The following ELL variants were observed in gnomAD, a reference collection of about 807,000 sequenced individuals.
The protein encoded by ELL is elongation factor for RNA polymerase II.
ELL carries 18 observed loss-of-function variants against 64.0 expected under a neutral mutation model. The observed-to-expected ratio is 0.28, with a 90% CI of 0.19 to 0.42. The LOEUF is 0.42. Ranked by LOEUF, ELL falls within the 10% of genes least tolerant of loss-of-function variation. The pLI is 1.00. For missense variants in ELL, 797 were observed against 870.4 expected, an observed-to-expected ratio of 0.92 and a Z score of 1.06; for synonymous variants, 399 against 376.2, an observed-to-expected ratio of 1.06 and a Z score of -0.70.
intron 1 of ELL, among the ~76,000 whole-genome samples, chr19:18,487,771 C>G (rs760763968): frequency 6.6e-6 from 1 of 152,260 alleles, no homozygotes; most frequent in Non-Finnish European, 1.5e-5. Context: ...TGGCTTCTAA[C>G]AGGCCCAGGT....
chr19:18,450,502 G>A lies in ELL; in HGVS notation c.1440C>T (p.Thr480=). The stretch of plus-strand genomic sequence containing the variant: ...CTGGGGTGTCTGCTGGGGCTCCGGG[G>A]GTGGCATGGGTGGCAGGTGCACAGT... ...LPDCAPATHA[T]PGAPADTPGL... Residue 480 remains threonine, a synonymous_variant, in exon 8 of 12, where the codon ACC becomes ACT. Coordinates refer to ENST00000262809, the MANE Select transcript of ELL (RefSeq NM_006532.4). 2.5e-6 allele frequency: 4 copies of A among 1,613,114 alleles called. No homozygotes were observed. The highest frequency in any genetic ancestry group is 3.4e-6 in the Non-Finnish European group (4 of 1,179,906).
intron 1 of ELL, among the ~76,000 whole-genome samples, chr19:18,503,186 T>C (rs574190052): frequency 6.6e-6 from 1 of 152,352 alleles, no homozygotes; most frequent in African/African-American, 2.4e-5. Context: ...GCATCCGTGG[T>C]CTGGAGAGTG....
intron 8 of ELL, among the ~76,000 whole-genome samples, chr19:18,447,679 G>A (rs1307496368): frequency 6.6e-6 from 1 of 152,208 alleles, no homozygotes; most frequent in Non-Finnish European, 1.5e-5. Flanking sequence ...AGTGCGCGTC[G>A]CCTAAGACCA....
At chr19:18,485,042 G>A (rs1975380882) in intron 1 of ELL, among the ~76,000 whole-genome samples, 1 of 152,194 alleles carries the variant, frequency 6.6e-6, no homozygotes, top group South Asian at 2.1e-4. Context: ...TGAGGTGAAT[G>A]AGAACGCTCT....
chr19:18,509,225 G>A (rs527503300), intron 1 of ELL, among the ~76,000 whole-genome samples: 2 of 152,226 alleles, frequency 1.3e-5, no homozygotes, highest in South Asian at 4.2e-4. Context: ...AATCCAGCAG[G>A]CATCCTTATC....
At chr19:18,481,360 T>C (rs1467601462) in intron 1 of ELL, among the ~76,000 whole-genome samples, 1 of 152,152 alleles carries the variant, frequency 6.6e-6, no homozygotes, top group Admixed American at 6.5e-5. Flanking sequence ...TCCCTCCTTT[T>C]GGGGGCTCTA....
rs370381851 is a variant in ELL, at chr19:18,458,210, G to A, written c.864C>T (p.Leu288=). The change falls in exon 6 of 12, where the codon CTC becomes CTT. Residue 288 remains leucine (L), a synonymous_variant. Coordinates refer to ENST00000262809, the MANE Select transcript of ELL (RefSeq NM_006532.4). ...GGGATGGGAGGCGGCATTACCGGAC[G>A]AGCACCCGCTTCAGCAGCTGCTGGT... ...EGDQQLLKRV[L]VRKLCQPQST... is the part of the protein sequence containing the mutation. 49 of 1,609,514 alleles carry A rather than the reference G, an allele frequency of 3.0e-5. No homozygotes were observed. Among genetic ancestry groups the A allele is most frequent in the African/African-American group, 5.3e-5 (4 of 74,924 alleles).
intron 2 of ELL, among the ~76,000 whole-genome samples, chr19:18,466,496 C>A (rs1478758462): frequency 6.6e-6 from 1 of 152,170 alleles, no homozygotes; most frequent in African/African-American, 2.4e-5. Flanking sequence ...GAAGCACTGG[C>A]CCCCAACAAG....
chr19:18,510,797 T>C (rs1253047276), intron 1 of ELL, among the ~76,000 whole-genome samples: 1 of 152,110 alleles, frequency 6.6e-6, no homozygotes, highest in African/African-American at 2.4e-5. Context: ...TGGAAAACAA[T>C]CTGGCAAATC....
Position 18,450,887 on chromosome 19 carries a change from A to G in ELL, c.1055T>C (p.Val352Ala). 1 of 1,576,754 alleles carries G rather than the reference A, an allele frequency of 6.3e-7. No individual in the cohort carries two copies. Among genetic ancestry groups the G allele is most frequent in the Non-Finnish European group, 8.6e-7 (1 of 1,160,840 alleles). Residue 352 changes from valine (V) to alanine (A), a missense_variant, in exon 8 of 12, where the codon GTC becomes GCC. Val to Ala is a moderately conservative substitution (Grantham distance 64). Transcript: ENST00000262809. ...SHFTQRAQPAVNGKLGVPNGR... is the reference protein window; with the variant it reads ...SHFTQRAQPAANGKLGVPNGR... ...ATTGGGCACGCCCAGCTTCCCGTTG[A>G]CGGCAGGCTGAGCTCTCTGAGTGAA...
chr19:18,498,366 C>T (rs560911071), intron 1 of ELL, among the ~76,000 whole-genome samples: 23 of 152,288 alleles, frequency 1.5e-4, no homozygotes, highest in African/African-American at 5.3e-4. Context: ...CAGGACCTGA[C>T]GGGACCCTAG....
intron 1 of ELL, among the ~76,000 whole-genome samples, chr19:18,519,794 G>A (rs1378777162): frequency 1.6e-5 from 2 of 126,896 alleles, no homozygotes; most frequent in South Asian, 5.0e-4. Flanking sequence ...GCAGCAGAGT[G>A]AAACTCCATC....
chr19:18,472,585 C>A, intron 2 of ELL: 2 of 508,584 alleles, frequency 3.9e-6, no homozygotes, highest in South Asian at 6.1e-5. Flanking sequence ...AGGTGCACAT[C>A]GCTGCATGAA....
intron 6 of ELL, among the ~76,000 whole-genome samples, chr19:18,453,100 C>T (rs1331552344): frequency 3.3e-5 from 5 of 152,234 alleles, no homozygotes; most frequent in Middle Eastern, 3.4e-3. Flanking sequence ...GGTGAAACCC[C>T]GTCTCTCCTA....
intron 1 of ELL, among the ~76,000 whole-genome samples, chr19:18,511,141 C>A (rs1294165371): frequency 6.6e-6 from 1 of 152,104 alleles, no homozygotes; most frequent in Non-Finnish European, 1.5e-5. Flanking sequence ...GTGGTGGGCG[C>A]CTGTAGTCCC....
At chr19:18,466,566 G>T (rs1324188255) in intron 2 of ELL, among the ~76,000 whole-genome samples, 1 of 152,208 alleles carries the variant, frequency 6.6e-6, no homozygotes, top group African/African-American at 2.4e-5. Context: ...GCTGGGCAAA[G>T]CTCCAGCCCT....
intron 6 of ELL, among the ~76,000 whole-genome samples, chr19:18,455,094 T>C (rs1470058423): frequency 1.3e-5 from 2 of 148,736 alleles, no homozygotes; most frequent in South Asian, 2.1e-4. Flanking sequence ...TGAGCCAAGA[T>C]TGCGCCACTG....
Position 18,451,587 on chromosome 19 carries a change from G to T in ELL, c.931C>A (p.Pro311Thr), listed in dbSNP as rs1237720031. Residue 311 changes from proline to threonine, a missense_variant, in exon 7 of 12, where the codon CCA (proline) becomes ACA (threonine). Transcript: ENST00000262809. Reference sequence around the variant, plus strand: ...GAGGCCGAGCGCCCACGCTCGCCTGGGGGGCTGGAGGCAGCAGGGTCTCCA... The same window carrying T: ...GAGGCCGAGCGCCCACGCTCGCCTGTGGGGCTGGAGGCAGCAGGGTCTCCA... ...LLGDPAASSP[P>T]GERGRSASPP... 4 of 1,496,366 alleles carry T rather than the reference G, an allele frequency of 2.7e-6. No individual in the cohort carries two copies. The highest frequency in any genetic ancestry group is 3.5e-6 in the Non-Finnish European group (4 of 1,130,960). The allele number at this position is 1,496,366 out of a possible 1,614,324, so 92.7% of individuals were successfully genotyped here.
chr19:18,509,586 C>T (rs982983485), intron 1 of ELL, among the ~76,000 whole-genome samples: 5 of 118,296 alleles, frequency 4.2e-5, no homozygotes, highest in Non-Finnish European at 6.8e-5. Context: ...TGCACGTGCG[C>T]GCGCGCGCAC....
Sources: gnomAD v4.1 joint callset for allele counts (sites outside exome capture counted in the v4.1 genomes callset) on GRCh38, gnomAD v4.1.1 for gene constraint, MANE v1.5 for transcripts, NCBI Gene and HGNC (gene_info 2026-07-23, HGNC 2026-07-21) for gene names.